Variants in BLTP1 observed in about 807,000 individuals in gnomAD.
BLTP1 encodes the protein fragile site-associated protein.
At chr4:122,156,835 A>G in the BLTP1 span, among the ~76,000 whole-genome samples, 1 of 152,218 alleles carries the variant, frequency 6.6e-6, no homozygotes, top group African/African-American at 2.4e-5. Flanking sequence ...ATATAATACA[A>G]GGGCTCAGGT....
the BLTP1 span, among the ~76,000 whole-genome samples, chr4:122,291,305 G>A: frequency 0.028 from 4,326 of 152,240 alleles, 139 homozygotes; most frequent in African/African-American, 0.08. Context: ...AGGGCCTGAT[G>A]GCGCATAGGC....
the BLTP1 span, chr4:122,330,994 AATAAAAT>A: frequency 1.1e-4 from 104 of 973,648 alleles, no homozygotes; most frequent in Non-Finnish European, 1.2e-4. Context: ...TTCTGTCTTT[AATAAAAT>A]CTGGAAAGTA....
chr4:122,301,278 C>A, the BLTP1 span: 2 of 1,543,212 alleles, frequency 1.3e-6, no homozygotes, highest in East Asian at 2.3e-5. Context: ...AAAAAATTGT[C>A]CCGAACTCTT....
the BLTP1 span, among the ~76,000 whole-genome samples, chr4:122,228,728 C>A: frequency 2.0e-5 from 3 of 152,046 alleles, no homozygotes; most frequent in Non-Finnish European, 4.4e-5. Flanking sequence ...GAAAATACAT[C>A]TGTGCGTATG....
At chr4:122,209,265 C>T in the BLTP1 span, 8 of 1,612,606 alleles carry the variant, frequency 5.0e-6, no homozygotes, top group East Asian at 8.9e-5. Context: ...ATTCATGATA[C>T]TGGTATTCCT....
the BLTP1 span, chr4:122,247,280 C>G: frequency 2.5e-6 from 4 of 1,613,352 alleles, no homozygotes; most frequent in Non-Finnish European, 3.4e-6. Context: ...AATGCTGGAG[C>G]AGAAAAAGGC....
At chr4:122,325,676 T>C in the BLTP1 span, 1 of 1,020,132 alleles carries the variant, frequency 9.8e-7, no homozygotes, top group Non-Finnish European at 1.3e-6. Flanking sequence ...TTATGTATTT[T>C]ATTTATAGAT....
At chr4:122,341,144 T>G in the BLTP1 span, among the ~76,000 whole-genome samples, 2 of 152,122 alleles carry the variant, frequency 1.3e-5, no homozygotes, top group African/African-American at 4.8e-5. Flanking sequence ...TGTATGTAAA[T>G]ATTTTTAAAC....
chr4:122,344,124 A>C, the BLTP1 span: 6 of 450,024 alleles, frequency 1.3e-5, no homozygotes, highest in Non-Finnish European at 1.8e-5. Flanking sequence ...TGATGAAAAC[A>C]TATATTCCAC....
chr4:122,343,902 T>C, the BLTP1 span: 1 of 884,764 alleles, frequency 1.1e-6, no homozygotes, highest in Non-Finnish European at 1.4e-6. Flanking sequence ...TTAAATGTCT[T>C]AGCAAATCAC....
chr4:122,239,648 G>GAGTCTA, the BLTP1 span: 1 of 1,614,084 alleles, frequency 6.2e-7, no homozygotes, highest in Non-Finnish European at 8.5e-7. Context: ...GAAGTACTAA[G>GAGTCTA]AGTCTTACTG....
chr4:122,261,519 C>T, the BLTP1 span: 22 of 982,246 alleles, frequency 2.2e-5, no homozygotes, highest in Admixed American at 1.2e-4. Context: ...AGATAGAAAT[C>T]GAAAAATTCT....
the BLTP1 span, among the ~76,000 whole-genome samples, chr4:122,295,586 C>T: frequency 3.3e-5 from 5 of 152,134 alleles, no homozygotes; most frequent in Non-Finnish European, 5.9e-5. Context: ...CTCCCTAACT[C>T]ATTTTATAAG....
chr4:122,160,474 G>T, the BLTP1 span, among the ~76,000 whole-genome samples: 1 of 152,116 alleles, frequency 6.6e-6, no homozygotes, highest in Non-Finnish European at 1.5e-5. Context: ...TATCTTAAAT[G>T]TATAAAGTTT....
the BLTP1 span, among the ~76,000 whole-genome samples, chr4:122,180,467 G>A: frequency 6.6e-6 from 1 of 152,146 alleles, no homozygotes; most frequent in African/African-American, 2.4e-5. Flanking sequence ...TCCAGGTACT[G>A]TTCTAGGCAC....
chr4:122,327,978 CCTTT>C, the BLTP1 span: 2 of 697,792 alleles, frequency 2.9e-6, no homozygotes, highest in African/African-American at 1.9e-5. Context: ...ATGAATCTGA[CCTTT>C]CTTTCAGTTC....
At chr4:122,213,298 C>T in the BLTP1 span, among the ~76,000 whole-genome samples, 5 of 152,146 alleles carry the variant, frequency 3.3e-5, no homozygotes, top group Non-Finnish European at 7.4e-5. Context: ...CCACCTTGGC[C>T]TCCCAAAGTG....
chr4:122,219,627 T>C, the BLTP1 span: 1 of 1,215,732 alleles, frequency 8.2e-7, no homozygotes, highest in Non-Finnish European at 1.2e-6. Context: ...TGTGTATAGA[T>C]GTGAAGCATT....
At chr4:122,178,107 T>C in the BLTP1 span, 2 of 868,552 alleles carry the variant, frequency 2.3e-6, no homozygotes, top group Admixed American at 6.2e-5. Context: ...AAACATCTTA[T>C]AGAATGCTTG....
Sources: allele counts gnomAD v4.1 joint callset (sites outside exome capture counted in the v4.1 genomes callset), GRCh38; gene constraint gnomAD v4.1.1; transcripts MANE v1.5; gene names NCBI Gene and HGNC (gene_info 2026-07-23, HGNC 2026-07-21).